Variants in C12orf54 observed in about 807,000 individuals in gnomAD.
C12orf54 encodes the protein chromosome 12 open reading frame 54.
C12orf54 carries 24 observed loss-of-function variants against 26.4 expected under a neutral mutation model. The observed-to-expected ratio is 0.91, with a 90% CI of 0.66 to 1.28. The LOEUF (loss-of-function observed/expected upper bound fraction) is 1.28, where lower values mean the gene tolerates loss of function less well. C12orf54 is among the 50% of genes most tolerant of loss of function. C12orf54 has a pLI of 0.00. For missense variants in C12orf54, 154 were observed against 150.9 expected (o/e 1.02, Z -0.11); for synonymous variants, 54 against 47.0 (o/e 1.15, Z -0.61).
At chr12:48,472,668 G>C in the C12orf54 span, 1 of 1,613,994 alleles carries the variant, frequency 6.2e-7, no homozygotes, top group African/African-American at 1.3e-5. Context: ...GTGAGAGATG[G>C]AGATGGGCAA....
chr12:48,457,560 C>A, the C12orf54 span, among the ~76,000 whole-genome samples: 1 of 152,090 alleles, frequency 6.6e-6, no homozygotes, highest in Non-Finnish European at 1.5e-5. Flanking sequence ...TCTCGAACTC[C>A]TGACCTTGTG....
chr12:48,430,154 C>G, the C12orf54 span, among the ~76,000 whole-genome samples: 1 of 152,098 alleles, frequency 6.6e-6, no homozygotes, highest in Non-Finnish European at 1.5e-5. Context: ...AAAATTAACT[C>G]AAGATGGATT....
upstream of C12orf54, among the ~76,000 whole-genome samples, chr12:48,478,372 A>T (rs954626985): frequency 6.6e-6 from 1 of 152,220 alleles, no homozygotes; most frequent in African/African-American, 2.4e-5. Flanking sequence ...ACTCCTATTC[A>T]ACATAGTGTT....
chr12:48,414,356 C>T, the C12orf54 span, among the ~76,000 whole-genome samples: 2 of 152,226 alleles, frequency 1.3e-5, no homozygotes, highest in Non-Finnish European at 2.9e-5. Flanking sequence ...AAAGAACTCA[C>T]GCAGTTCTCC....
chr12:48,475,827 A>G, the C12orf54 span, among the ~76,000 whole-genome samples: 2 of 152,230 alleles, frequency 1.3e-5, no homozygotes, highest in Non-Finnish European at 2.9e-5. Context: ...ACTCTGCAGG[A>G]TATTATCCAG....
At chr12:48,473,427 A>G in the C12orf54 span, 1 of 661,120 alleles carries the variant, frequency 1.5e-6, no homozygotes, top group Non-Finnish European at 2.6e-6. Flanking sequence ...GGAATAATCT[A>G]TTTTGAAAAA....
At chr12:48,451,502 C>A in the C12orf54 span, among the ~76,000 whole-genome samples, 158 of 152,094 alleles carry the variant, frequency 1.0e-3, no homozygotes, top group African/African-American at 3.8e-3. Flanking sequence ...GGCAATCAGG[C>A]GAGAGAAAGA....
the C12orf54 span, among the ~76,000 whole-genome samples, chr12:48,461,056 CA>C: frequency 6.6e-6 from 1 of 151,792 alleles, no homozygotes; most frequent in Non-Finnish European, 1.5e-5. Context: ...ACAAGGATAT[CA>C]AAAGAAAAGT....
the C12orf54 span, among the ~76,000 whole-genome samples, chr12:48,440,571 G>A: frequency 6.6e-6 from 1 of 152,200 alleles, no homozygotes; most frequent in Non-Finnish European, 1.5e-5. Flanking sequence ...CATTTCTACA[G>A]CATTATTAGG....
At chr12:48,492,391 C>T (rs1937809273) in intron 6 of C12orf54, among the ~76,000 whole-genome samples, 1 of 152,124 alleles carries the variant, frequency 6.6e-6, no homozygotes, top group Non-Finnish European at 1.5e-5. Flanking sequence ...TCAAAAAGGG[C>T]CAAGCTTACC....
At chr12:48,433,959 C>T in the C12orf54 span, among the ~76,000 whole-genome samples, 34 of 152,238 alleles carry the variant, frequency 2.2e-4, no homozygotes, top group Admixed American at 6.5e-4. Flanking sequence ...CAAAGCAGGG[C>T]GAGCCATCAC....
the C12orf54 span, among the ~76,000 whole-genome samples, chr12:48,465,469 T>C: frequency 5.3e-5 from 8 of 152,142 alleles, no homozygotes; most frequent in African/African-American, 1.9e-4. Flanking sequence ...TTGGTGGGAG[T>C]GTAAATTCAT....
chr12:48,482,156 AC>A (rs1488402568), upstream of C12orf54, among the ~76,000 whole-genome samples: 3 of 152,074 alleles, frequency 2.0e-5, no homozygotes, highest in Admixed American at 6.6e-5. Context: ...TCACAACAAA[AC>A]CATTTCTCTC....
the C12orf54 span, among the ~76,000 whole-genome samples, chr12:48,416,584 G>A: frequency 1.3e-5 from 2 of 152,140 alleles, no homozygotes; most frequent in Non-Finnish European, 2.9e-5. Context: ...AGATGTGGCT[G>A]GGCACAGTGG....
the C12orf54 span, among the ~76,000 whole-genome samples, chr12:48,445,934 C>G: frequency 6.6e-6 from 1 of 152,102 alleles, no homozygotes; most frequent in East Asian, 1.9e-4. Flanking sequence ...CCTTAAATAC[C>G]TCTTAAATAC....
the C12orf54 span, among the ~76,000 whole-genome samples, chr12:48,475,033 C>T: frequency 2.0e-5 from 3 of 152,222 alleles, no homozygotes; most frequent in African/African-American, 7.2e-5. Flanking sequence ...CAGCCGGGTA[C>T]TCCTCTGAGA....
In C12orf54 at chr12:48,482,576, G is replaced by A. The variant is rs1018298528; in HGVS notation, c.-58G>A. 1 of 152,140 alleles carries A rather than the reference G, an allele frequency of 6.6e-6. No individual in the cohort carries two copies. The highest frequency in any genetic ancestry group is 1.5e-5 in the Non-Finnish European group (1 of 68,078). The allele number at this position is 152,140 out of a possible 1,614,324, so 9.4% of individuals were successfully genotyped here. On this transcript the variant is annotated splice_region_variant and 5_prime_UTR_variant, in exon 1 of 9. Transcript: ENST00000548364. ...AAGTGTAATTTGGGGAACCAAGCAG[G>A]GTAAGTTTCTAGGCATAATTGACCT...
the C12orf54 span, among the ~76,000 whole-genome samples, chr12:48,465,152 A>G: frequency 0.2 from 29,933 of 152,088 alleles, 3,260 homozygotes; most frequent in South Asian, 0.3. Context: ...GGGAGAAAAT[A>G]TTTGCAAACT....
chr12:48,473,229 G>C, the C12orf54 span: 1 of 1,154,264 alleles, frequency 8.7e-7, no homozygotes, highest in Non-Finnish European at 1.3e-6. Flanking sequence ...AATGGAAGAT[G>C]AGGAGGACGA....
Sources: allele counts gnomAD v4.1 joint callset (sites outside exome capture counted in the v4.1 genomes callset), GRCh38; gene constraint gnomAD v4.1.1; transcripts MANE v1.5; gene names NCBI Gene and HGNC (gene_info 2026-07-23, HGNC 2026-07-21).